LRFN5: variants seen among roughly 807,000 people sequenced by gnomAD.
The protein encoded by LRFN5 is leucine rich repeat and fibronectin type III domain containing 5, also known as leucine-rich repeat and fibronectin type-III domain-containing protein 5.
In LRFN5, 24 loss-of-function variants were observed where a neutral mutation model predicts 45.6. The ratio of observed to expected loss-of-function variants is 0.53; its 90% CI spans 0.38 to 0.74. LRFN5 has a LOEUF of 0.74. Among genes scored for constraint, LRFN5 ranks in the 30% least tolerant of loss-of-function variants. The probability of loss-of-function intolerance (pLI) is 0.00; values close to 1 mark genes in which losing one functional copy is unlikely to be tolerated. For synonymous variants in LRFN5, 340 were observed against 313.8 expected, an observed-to-expected ratio of 1.08 and a Z score of -0.88; for missense variants, 776 against 861.5, an observed-to-expected ratio of 0.90 and a Z score of 1.24.
At position 41,831,800 on chromosome 14, in the gene LRFN5, C is replaced by A. The variant is rs892958851; in HGVS notation, c.-20-54806C>A. ...GCTCTTGTCTTAGCTCAGACTGCCT[C>A]ATGAAATACCAAAGACTAGGTGACT... is the stretch of plus-strand genomic sequence containing the variant. On this transcript the variant is annotated intron_variant, in intron 2 of 5. Transcript: ENST00000298119. Among the ~76,000 whole-genome samples the A allele has an allele frequency of 3.9e-5, 6 of 152,230 alleles. 1 individual carries two copies. Among genetic ancestry groups the A allele is most frequent in the Admixed American group, 3.9e-4 (6 of 15,278 alleles).
Position 41,658,459 on chromosome 14 carries a change from A to G in LRFN5, c.-197+49897A>G, listed in dbSNP as rs760929681. 1.3e-4 allele frequency among the ~76,000 whole-genome samples: 20 copies of G among 152,082 alleles called. No individual in the cohort carries two copies. In the Middle Eastern group the frequency reaches 0.01, roughly 78 times the overall value. On this transcript the variant is annotated intron_variant, in intron 1 of 5. Coordinates refer to ENST00000298119, the MANE Select transcript of LRFN5 (RefSeq NM_152447.5). ...TTGATGATTCAGACATTCACTTCTC[A>G]CTTTCTTGAAAGTAACCTCTATGAA...
At chr14:41,775,093 C>CTTTTCTT (rs1555316714) in intron 2 of LRFN5, among the ~76,000 whole-genome samples, 2 of 112,492 alleles carry the variant, frequency 1.8e-5, no homozygotes, top group South Asian at 3.0e-4. Flanking sequence ...TTTTCTTTTT[C>CTTTTCTT]TTTTTTTTTT....
At chr14:41,757,417 T>G (rs1243071855) in intron 1 of LRFN5, among the ~76,000 whole-genome samples, 1 of 152,216 alleles carries the variant, frequency 6.6e-6, no homozygotes, top group Non-Finnish European at 1.5e-5. Context: ...AGTTCAATCT[T>G]CCTGGCCGCT....
intron 2 of LRFN5, among the ~76,000 whole-genome samples, chr14:41,861,272 G>A (rs1447004146): frequency 6.6e-6 from 1 of 152,218 alleles, no homozygotes; most frequent in African/African-American, 2.4e-5. Flanking sequence ...TTGCCAAATG[G>A]TGGTTTTTAC....
At chr14:41,783,147 C>G (rs1566438598) in intron 2 of LRFN5, among the ~76,000 whole-genome samples, 2 of 151,932 alleles carry the variant, frequency 1.3e-5, no homozygotes, top group South Asian at 4.1e-4. Context: ...TTTCCCCTTT[C>G]CCTGCCAGAA....
chr14:41,736,132 C>T (rs1353118074), intron 1 of LRFN5, among the ~76,000 whole-genome samples: 6 of 152,128 alleles, frequency 3.9e-5, no homozygotes, highest in African/African-American at 1.4e-4. Context: ...GCAATGGGAT[C>T]ACTGGGTCAA....
At chr14:41,816,135 T>A (rs1027976307) in intron 2 of LRFN5, among the ~76,000 whole-genome samples, 1 of 151,502 alleles carries the variant, frequency 6.6e-6, no homozygotes, top group Non-Finnish European at 1.5e-5. Context: ...CTCCCCCATG[T>A]TCCTATTCTT....
intron 1 of LRFN5, among the ~76,000 whole-genome samples, chr14:41,704,438 C>CTGTGTGTGTGTGTGTGTGTGTGTG (rs199862342): frequency 1.8e-5 from 2 of 111,702 alleles, no homozygotes; most frequent in Middle Eastern, 4.1e-3. Context: ...CTCTCTCTCT[C>CTGTGTGTGTGTGTGTGTGTGTGTG]TCTCTCTCTC....
intron 1 of LRFN5, among the ~76,000 whole-genome samples, chr14:41,674,139 G>C (rs1881438412): frequency 1.4e-5 from 2 of 141,406 alleles, no homozygotes. Flanking sequence ...TCACTTCCCA[G>C]TAGGGGCGGC....
chr14:41,659,786 A>C (rs999990816), intron 1 of LRFN5, among the ~76,000 whole-genome samples: 1 of 151,262 alleles, frequency 6.6e-6, no homozygotes, highest in African/African-American at 2.4e-5. Context: ...TTTGATTTGC[A>C]TTTCTCTAAT....
At chr14:41,666,691 A>G (rs1052032402) in intron 1 of LRFN5, among the ~76,000 whole-genome samples, 6 of 152,146 alleles carry the variant, frequency 3.9e-5, no homozygotes, top group African/African-American at 1.4e-4. Context: ...ACTAACAGAA[A>G]TAAAAAGGCC....
At chr14:41,808,238 T>C (rs111311130) in intron 2 of LRFN5, among the ~76,000 whole-genome samples, 57 of 30,682 alleles carry the variant, frequency 1.9e-3, no homozygotes, top group African/African-American at 6.6e-3. Flanking sequence ...AAGGAAGGAA[T>C]TGAGGGAGGG....
chr14:41,708,222 G>A (rs17181581), intron 1 of LRFN5, among the ~76,000 whole-genome samples: 6,553 of 151,630 alleles, frequency 0.043, 154 homozygotes, highest in Admixed American at 0.078. Flanking sequence ...TTTGATTGCC[G>A]GAAACTTTAA....
chr14:41,622,376 A>G (rs1236688018), intron 1 of LRFN5, among the ~76,000 whole-genome samples: 1 of 152,000 alleles, frequency 6.6e-6, no homozygotes, highest in Non-Finnish European at 1.5e-5. Context: ...TACAAATAAA[A>G]TTTTATCATT....
chr14:41,712,921 T>C, intron 1 of LRFN5, among the ~76,000 whole-genome samples: 1 of 152,026 alleles, frequency 6.6e-6, no homozygotes, highest in South Asian at 2.1e-4. Context: ...CACAAATATA[T>C]GTAATTATTA....
In LRFN5 at chr14:41,781,616, G is replaced by GAA. The variant is rs1317274535; in HGVS notation, c.-21+14588_-21+14589insAA. ...AGAAAGAAAGAAAGAAAGAAAGAAA[G>GAA]AGAAAGAAAGAAAGAAAGGAAAGAA... On this transcript the variant is annotated intron_variant, in intron 2 of 5. Transcript: ENST00000298119. Among the ~76,000 whole-genome samples the GAA allele has an allele frequency of 2.2e-3, 133 of 59,664 alleles. 1 individual carries two copies. The highest frequency in any genetic ancestry group is 6.5e-3 in the African/African-American group (73 of 11,224). The allele number at this position is 59,664 out of a possible 152,430, so 39.1% of individuals were successfully genotyped here.
chr14:41,671,998 G>A (rs1900599), intron 1 of LRFN5, among the ~76,000 whole-genome samples: 50,104 of 151,996 alleles, frequency 0.33, 8,840 homozygotes, highest in African/African-American at 0.46. Flanking sequence ...GTCTAACCAT[G>A]CTTATTTACC....
At chr14:41,677,625 A>G (rs143805732) in intron 1 of LRFN5, among the ~76,000 whole-genome samples, 43 of 152,258 alleles carry the variant, frequency 2.8e-4, no homozygotes, top group Middle Eastern at 3.4e-3. Flanking sequence ...ACTTCACTAG[A>G]GGGCTTAACA....
chr14:41,839,225 TCA>T (rs1159499780), intron 2 of LRFN5, among the ~76,000 whole-genome samples: 1 of 152,096 alleles, frequency 6.6e-6, no homozygotes, highest in African/African-American at 2.4e-5. Context: ...AAAATAATTC[TCA>T]GAGTAGAAAT....
Sources: gnomAD v4.1 joint callset for allele counts (sites outside exome capture counted in the v4.1 genomes callset) on GRCh38, gnomAD v4.1.1 for gene constraint, MANE v1.5 for transcripts, NCBI Gene and HGNC (gene_info 2026-07-23, HGNC 2026-07-21) for gene names.